The following MCTP2 variants were observed in gnomAD, a reference collection of about 807,000 sequenced individuals.
MCTP2 encodes multiple C2 and transmembrane domain containing 2, also known as multiple C2 and transmembrane domain-containing protein 2.
MCTP2 carries 132 observed loss-of-function variants against 111.6 expected under a neutral mutation model. The ratio of observed to expected loss-of-function variants is 1.18; its 90% CI spans 1.03 to 1.37. MCTP2 has a LOEUF of 1.37. Among genes scored for constraint, MCTP2 ranks in the 40% most tolerant of loss-of-function variants. The pLI, the probability that MCTP2 is intolerant of heterozygous loss-of-function variation, is 0.00. For missense variants in MCTP2, 1,183 were observed against 1,067.9 expected, an observed-to-expected ratio of 1.11 and a Z score of -1.50; for synonymous variants, 395 against 387.7, an observed-to-expected ratio of 1.02 and a Z score of -0.22.
intron 1 of MCTP2, among the ~76,000 whole-genome samples, chr15:94,269,757 G>A (rs1420871328): frequency 1.3e-5 from 2 of 152,142 alleles, no homozygotes; most frequent in African/African-American, 4.8e-5. Flanking sequence ...TTCACAGAAA[G>A]TTGTTTTATT....
chr15:94,350,182 T>C (rs2078227650), intron 8 of MCTP2, among the ~76,000 whole-genome samples: 1 of 152,292 alleles, frequency 6.6e-6, no homozygotes, highest in African/African-American at 2.4e-5. Context: ...AAGCAGGAGA[T>C]GTAAGGAAGG....
At chr15:94,440,029 T>TTG in intron 17 of MCTP2, 147 bp from the exon 18 acceptor site, 1 of 856,138 alleles carries the variant, frequency 1.2e-6, no homozygotes, top group South Asian at 1.7e-5. Context: ...GAGTTGATCA[T>TTG]TGTGTGTGTG....
At chr15:94,414,900 A>G (rs1242714783) in intron 17 of MCTP2, among the ~76,000 whole-genome samples, 2 of 152,170 alleles carry the variant, frequency 1.3e-5, no homozygotes, top group African/African-American at 4.8e-5. Flanking sequence ...TATTTTCCAG[A>G]GATCTGGACC....
chr15:94,473,033 A>G (rs1301193330), intron 21 of MCTP2, among the ~76,000 whole-genome samples: 1 of 151,526 alleles, frequency 6.6e-6, no homozygotes, highest in African/African-American at 2.4e-5. Flanking sequence ...AAAATGGTGA[A>G]TAATATCCTA....
At chr15:94,328,965 C>T (rs1490010412) in intron 4 of MCTP2, among the ~76,000 whole-genome samples, 1 of 152,144 alleles carries the variant, frequency 6.6e-6, no homozygotes, top group African/African-American at 2.4e-5. Context: ...CCCCATGCAG[C>T]ATGTCTTCCT....
At chr15:94,237,510 A>G (rs1260071308) in intron 1 of MCTP2, among the ~76,000 whole-genome samples, 1 of 151,974 alleles carries the variant, frequency 6.6e-6, no homozygotes, top group Non-Finnish European at 1.5e-5. Context: ...TACAAACTAT[A>G]AATTCTTATC....
At chr15:94,342,745 T>C (rs898403960) in intron 7 of MCTP2, 1 of 151,056 alleles carries the variant, frequency 6.6e-6, no homozygotes, top group Admixed American at 6.6e-5. Flanking sequence ...TATTTATATA[T>C]ACACACACAT....
chr15:94,242,526 C>A (rs1261843303), intron 1 of MCTP2, among the ~76,000 whole-genome samples: 3 of 151,836 alleles, frequency 2.0e-5, no homozygotes, highest in East Asian at 1.9e-4. Context: ...GCCTTCTAAC[C>A]AGGATAAGGA....
chr15:94,334,818 G>A (rs1260485286), intron 4 of MCTP2, among the ~76,000 whole-genome samples: 1 of 152,088 alleles, frequency 6.6e-6, no homozygotes, highest in East Asian at 1.9e-4. Context: ...AAAGTGCTGA[G>A]ATTACAGGCG....
intron 1 of MCTP2, among the ~76,000 whole-genome samples, chr15:94,270,604 A>G (rs2073856791): frequency 6.6e-6 from 1 of 151,162 alleles, no homozygotes; most frequent in Non-Finnish European, 1.5e-5. Context: ...CTCTTTCTCC[A>G]TCTCCCCAGG....
intron 14 of MCTP2, among the ~76,000 whole-genome samples, chr15:94,394,862 T>C (rs1328660256): frequency 6.6e-6 from 1 of 152,214 alleles, no homozygotes; most frequent in Non-Finnish European, 1.5e-5. Flanking sequence ...TATATTGCTT[T>C]TGTAGGAGCA....
intron 14 of MCTP2, among the ~76,000 whole-genome samples, chr15:94,389,804 G>A (rs967622644): frequency 2.6e-4 from 39 of 151,826 alleles, no homozygotes; most frequent in African/African-American, 9.2e-4. Context: ...GTTATAAACC[G>A]TAACTTGATT....
chr15:94,391,829 C>A (rs2080994174), intron 14 of MCTP2, among the ~76,000 whole-genome samples: 1 of 152,050 alleles, frequency 6.6e-6, no homozygotes, highest in East Asian at 1.9e-4. Flanking sequence ...GTAGGAGTCT[C>A]CTGATGGCAA....
intron 19 of MCTP2, among the ~76,000 whole-genome samples, chr15:94,453,146 G>C (rs568046277): frequency 6.6e-6 from 1 of 152,272 alleles, no homozygotes; most frequent in South Asian, 2.1e-4. Context: ...TAACAAGGTG[G>C]GATGTGTTGC....
In MCTP2 at chr15:94,422,854, C is replaced by T. The variant is rs78007181; in HGVS notation, c.2086-17322C>T. 5.6e-3 allele frequency among the ~76,000 whole-genome samples: 848 copies of T among 152,208 alleles called. 6 individuals are homozygous for T. The highest frequency in any genetic ancestry group is 0.019 in the African/African-American group (782 of 41,526). On this transcript the variant is annotated intron_variant, in intron 17 of 22. Transcript: ENST00000357742. ...TCCTTCCCACTAAACTATCAGTCAT[C>T]GTCTTTTTTCTTTTTTCTTCTGTAA...
At chr15:94,251,167 GGACAGGAC>G (rs2072390551) in intron 1 of MCTP2, among the ~76,000 whole-genome samples, 1 of 152,158 alleles carries the variant, frequency 6.6e-6, no homozygotes, top group Non-Finnish European at 1.5e-5. Context: ...GCCACAGTGA[GGACAGGAC>G]CCATGGTCAC....
At chr15:94,463,034 G>A (rs1469318212) in intron 20 of MCTP2, among the ~76,000 whole-genome samples, 1 of 152,142 alleles carries the variant, frequency 6.6e-6, no homozygotes, top group Non-Finnish European at 1.5e-5. Flanking sequence ...AAATGCATTA[G>A]TCAACTGACC....
intron 1 of MCTP2, among the ~76,000 whole-genome samples, chr15:94,263,741 T>G (rs2073341397): frequency 6.6e-6 from 1 of 152,246 alleles, no homozygotes; most frequent in Non-Finnish European, 1.5e-5. Flanking sequence ...AGACATTGCC[T>G]TCTTCAGCCT....
intron 1 of MCTP2, among the ~76,000 whole-genome samples, chr15:94,274,780 T>C (rs868404396): frequency 4.3e-4 from 65 of 152,262 alleles, no homozygotes; most frequent in African/African-American, 1.5e-3. Flanking sequence ...TGATGCATCC[T>C]TTTAAAAAAT....
Sources: gnomAD v4.1 joint callset for allele counts (sites outside exome capture counted in the v4.1 genomes callset) on GRCh38, gnomAD v4.1.1 for gene constraint, MANE v1.5 for transcripts, NCBI Gene and HGNC (gene_info 2026-07-23, HGNC 2026-07-21) for gene names.